TJP1: variants seen among roughly 807,000 people sequenced by gnomAD.
The protein encoded by TJP1 is tight junction protein ZO-1.
TJP1 carries 43 observed loss-of-function variants against 194.2 expected under a neutral mutation model. The ratio of observed to expected loss-of-function variants is 0.22; its 90% confidence interval spans 0.17 to 0.29. The LOEUF (loss-of-function observed/expected upper bound fraction) is 0.29. Among genes scored for constraint, TJP1 ranks in the 10% least tolerant of loss-of-function variants. The pLI is 1.00. For synonymous variants in TJP1, 801 were observed against 779.0 expected, an observed-to-expected ratio of 1.03 and a Z score of -0.47; for missense variants, 1,971 against 2,185.7, an observed-to-expected ratio of 0.90 and a Z score of 1.96.
At position 29,879,299 on chromosome 15, in the gene TJP1, G is replaced by A. The variant is rs532371538; in HGVS notation, c.306+76933C>T. Among the ~76,000 whole-genome samples the A allele has an allele frequency of 1.6e-4, 24 of 152,294 alleles. 2 individuals carry two copies. In the South Asian group the frequency reaches 5.0e-3, roughly 32 times the overall value. On this transcript the variant is annotated intron_variant, in intron 2 of 28. Coordinates refer to the TJP1 transcript ENST00000356107. The stretch of plus-strand genomic sequence containing the variant: ...GAAAGGTAACGCCATGCGGTCTTGA[G>A]GCTGGGAACAGACGGACGGCAAGGC...
intron 25 of TJP1, among the ~76,000 whole-genome samples, chr15:29,707,310 G>C (rs1016100658): frequency 6.6e-6 from 1 of 152,182 alleles, no homozygotes; most frequent in African/African-American, 2.4e-5. Flanking sequence ...TGAGCAGAAA[G>C]ACCAACGAAA....
intron 2 of TJP1, among the ~76,000 whole-genome samples, chr15:29,903,445 C>T (rs144770887): frequency 3.0e-4 from 46 of 151,970 alleles, no homozygotes; most frequent in African/African-American, 1.1e-3. Context: ...TACCGAGTTT[C>T]AGAATCTTTT....
chr15:29,805,827 G>A (rs750187220), intron 1 of TJP1, among the ~76,000 whole-genome samples: 1 of 152,164 alleles, frequency 6.6e-6, no homozygotes, highest in Non-Finnish European at 1.5e-5. Context: ...AGACAGCAAC[G>A]TTTTGAGTTC....
chr15:29,857,916 C>T (rs2051921968), intron 2 of TJP1, among the ~76,000 whole-genome samples: 2 of 152,146 alleles, frequency 1.3e-5, no homozygotes, highest in Admixed American at 6.5e-5. Context: ...CACCAGTCAC[C>T]ATGCCTGGCT....
At chr15:29,966,684 A>T (rs2056345771) in intron 1 of TJP1, among the ~76,000 whole-genome samples, 1 of 152,078 alleles carries the variant, frequency 6.6e-6, no homozygotes, top group Non-Finnish European at 1.5e-5. Flanking sequence ...ACAGTAATGG[A>T]TGAAACAAAC....
At chr15:29,735,928 G>A (rs760925667) in intron 11 of TJP1, among the ~76,000 whole-genome samples, 3 of 152,114 alleles carry the variant, frequency 2.0e-5, no homozygotes, top group Non-Finnish European at 4.4e-5. Context: ...CTTTGATTAC[G>A]AGCTGCTCAC....
chr15:29,896,587 T>C (rs935320604), intron 2 of TJP1, among the ~76,000 whole-genome samples: 2 of 152,092 alleles, frequency 1.3e-5, no homozygotes, highest in African/African-American at 4.8e-5. Flanking sequence ...CTGGAACAGT[T>C]TGGAGGGCTC....
intron 18 of TJP1, among the ~76,000 whole-genome samples, chr15:29,721,482 C>A (rs1330170764): frequency 6.6e-6 from 1 of 152,182 alleles, no homozygotes; most frequent in Non-Finnish European, 1.5e-5. Context: ...GCCTGTACAG[C>A]CTGCAGAACT....
At chr15:29,842,012 G>A (rs1398576605) in intron 2 of TJP1, among the ~76,000 whole-genome samples, 1 of 152,170 alleles carries the variant, frequency 6.6e-6, no homozygotes, top group East Asian at 1.9e-4. Context: ...GGTAAACGCT[G>A]ACGGGGATAC....
chr15:29,764,013 G>A (rs1009313387), intron 5 of TJP1, among the ~76,000 whole-genome samples: 1 of 152,140 alleles, frequency 6.6e-6, no homozygotes, highest in Non-Finnish European at 1.5e-5. Flanking sequence ...AATATTTCTT[G>A]TATATTAGTT....
intron 1 of TJP1, among the ~76,000 whole-genome samples, chr15:29,819,671 A>G (rs2050189574): frequency 6.6e-6 from 1 of 152,206 alleles, no homozygotes; most frequent in African/African-American, 2.4e-5. Context: ...GTTTTCTACA[A>G]TACAACACTA....
chr15:29,820,688 C>G, intron 1 of TJP1: 2 of 604,110 alleles, frequency 3.3e-6, no homozygotes, highest in Non-Finnish European at 6.0e-6. Context: ...GGAAAGAAAG[C>G]CCCAGAAAAG....
At chr15:29,949,614 C>CAACCACCACCTCCACCTCCACCTT (rs2055529197) in intron 2 of TJP1, among the ~76,000 whole-genome samples, 1 of 116,954 alleles carries the variant, frequency 8.6e-6, no homozygotes, top group African/African-American at 3.2e-5. Context: ...TCCACCTTCA[C>CAACCACCACCTCCACCTCCACCTT]CACCACCACC....
intron 1 of TJP1, among the ~76,000 whole-genome samples, chr15:29,808,173 C>T (rs544255376): frequency 7.2e-5 from 11 of 152,310 alleles, no homozygotes; most frequent in Admixed American, 7.2e-4. Context: ...GAGGCTGAGG[C>T]ACGAGAATCA....
At chr15:29,951,857 T>G (rs1413120812) in intron 2 of TJP1, among the ~76,000 whole-genome samples, 1 of 152,172 alleles carries the variant, frequency 6.6e-6, no homozygotes, top group Non-Finnish European at 1.5e-5. Flanking sequence ...AAGCAGGAAA[T>G]AAACTGCCTA....
chr15:29,750,298 C>T lies in TJP1; in HGVS notation c.1011-7517G>A, dbSNP rs56181565. Reference sequence around the variant, plus strand: ...GATTACAGGCGTGAGCCACCACGCCCGGCCTAATTTTTTGTATTTTAGTAG... The same window carrying T: ...GATTACAGGCGTGAGCCACCACGCCTGGCCTAATTTTTTGTATTTTAGTAG... On this transcript the variant is annotated intron_variant, in intron 8 of 27. Coordinates refer to ENST00000614355, the MANE Select transcript of TJP1 (RefSeq NM_001330239.4). Among the ~76,000 whole-genome samples the T allele has an allele frequency of 1.5e-3, 229 of 152,236 alleles. 1 individual carries two copies. Among genetic ancestry groups the T allele is most frequent in the Non-Finnish European group, 2.8e-3 (190 of 68,010 alleles).
chr15:29,765,988 T>C (rs932156450), intron 5 of TJP1, among the ~76,000 whole-genome samples: 4 of 152,222 alleles, frequency 2.6e-5, no homozygotes, highest in African/African-American at 9.6e-5. Context: ...CATTTGGTGA[T>C]GGTGTGACAT....
chr15:29,718,593 G>A lies in TJP1; in HGVS notation c.3549C>T (p.Pro1183=), dbSNP rs776403986. 1 of 1,613,990 alleles carries A rather than the reference G, an allele frequency of 6.2e-7. No individual in the cohort carries two copies. Among genetic ancestry groups the A allele is most frequent in the East Asian group, 2.2e-5 (1 of 44,878 alleles). Reference sequence around the variant, plus strand: ...AATACTGCTTGGACTCTGCAGGCTTGGGCCCTGCTGAAGGGTGGGGCTGGG... The same window carrying A: ...AATACTGCTTGGACTCTGCAGGCTTAGGCCCTGCTGAAGGGTGGGGCTGGG... ...PEAQPHPSAG[P]KPAESKQYFE... Residue 1183 remains proline, a synonymous_variant, in exon 21 of 28, where the codon CCC becomes CCT. Coordinates refer to ENST00000614355, the MANE Select transcript of TJP1 (RefSeq NM_001330239.4).
chr15:29,843,452 A>G (rs201080590), intron 2 of TJP1, among the ~76,000 whole-genome samples: 1 of 151,988 alleles, frequency 6.6e-6, no homozygotes, highest in East Asian at 1.9e-4. Context: ...GCCTCCCAAA[A>G]TGCTGGGATT....
Sources: gnomAD v4.1 joint callset for allele counts (sites outside exome capture counted in the v4.1 genomes callset) on GRCh38, gnomAD v4.1.1 for gene constraint, MANE v1.5 for transcripts, NCBI Gene and HGNC (gene_info 2026-07-23, HGNC 2026-07-21) for gene names.